ADCY7: variants seen among roughly 807,000 people sequenced by gnomAD.
ADCY7 encodes adenylate cyclase type 7.
Under a neutral mutation model 120.6 loss-of-function variants are expected in ADCY7, and 72 were observed. That is an observed-to-expected ratio of 0.60 (90% CI 0.49 to 0.73). The LOEUF (loss-of-function observed/expected upper bound fraction) is 0.73. Ranked by LOEUF, ADCY7 falls within the 30% of genes least tolerant of loss-of-function variation. The pLI is 0.00. For missense variants in ADCY7, 1,227 were observed against 1,486.0 expected, an observed-to-expected ratio of 0.83 and a Z score of 2.87; for synonymous variants, 661 against 628.0, an observed-to-expected ratio of 1.05 and a Z score of -0.78.
At chr16:50,284,103 G>A (rs2034440185) in intron 1 of ADCY7, among the ~76,000 whole-genome samples, 3 of 152,178 alleles carry the variant, frequency 2.0e-5, no homozygotes, top group African/African-American at 7.2e-5. Context: ...CCGGGCAGGG[G>A]GTGCCTCTGG....
chr16:50,310,798 C>G lies in ADCY7; in HGVS notation c.2272C>G (p.Leu758Val), dbSNP rs990019867. ...LTVALVAYLV[L>V]FNLSPCWQWD... ...AGTGGCCCTGGTGGCCTACCTGGTGCTCTTCAACCTCTCCCCATGCTGGCA... is the reference window on the plus strand; with the variant it reads ...AGTGGCCCTGGTGGCCTACCTGGTGGTCTTCAACCTCTCCCCATGCTGGCA... Residue 758 changes from leucine (L) to valine (V), a missense_variant, in exon 19 of 26, where the codon CTC becomes GTC. Physicochemically the swap from Leu to Val is conservative, Grantham distance 32. Transcript: ENST00000673801. The G allele has an allele frequency of 1.2e-6, 2 of 1,614,146 alleles. No individual in the cohort carries two copies. Among genetic ancestry groups the G allele is most frequent in the South Asian group, 2.2e-5 (2 of 91,070 alleles).
chr16:50,249,439 C>T lies in ADCY7; in HGVS notation c.-64+3236C>T, dbSNP rs1024190973. Among the ~76,000 whole-genome samples the T allele has an allele frequency of 5.2e-5, 7 of 134,708 alleles. No individual in the cohort carries two copies. In the East Asian group the frequency reaches 1.0e-3, roughly 19 times the overall value. 88.4% of individuals were successfully genotyped at this position (134,708 alleles called of 152,430 possible). A position where few individuals can be genotyped will look rare whatever the true frequency, so the allele number is the denominator to read the frequency against. ...TGCTCTGGGCGACAGAGCAAGACTC[C>T]GTCTAAAACAACAACAACAACAACA... On this transcript the variant is annotated intron_variant, in intron 1 of 4. Coordinates refer to the ADCY7 transcript ENST00000564044.
chr16:50,289,968 G>A (rs2034835118), intron 2 of ADCY7, among the ~76,000 whole-genome samples: 1 of 152,226 alleles, frequency 6.6e-6, no homozygotes, highest in Admixed American at 6.5e-5. Context: ...CCTCCCGGAT[G>A]CTGTGCCCGT....
At chr16:50,314,730 G>A in intron 24 of ADCY7, 1 of 450,172 alleles carries the variant, frequency 2.2e-6, no homozygotes, top group Non-Finnish European at 3.9e-6. Flanking sequence ...CCAGGCCTTT[G>A]TTAATACTTT....
chr16:50,312,268 C>A (rs879818479), intron 21 of ADCY7, 77 bp downstream of exon 21: 113 of 1,533,804 alleles, frequency 7.4e-5, no homozygotes, highest in Admixed American at 8.6e-5. Flanking sequence ...AGGTGTGGAG[C>A]TGGAGTGCAT....
chr16:50,257,811 C>T (rs1333394214), intron 1 of ADCY7, among the ~76,000 whole-genome samples: 2 of 151,198 alleles, frequency 1.3e-5, no homozygotes, highest in African/African-American at 2.4e-5. Flanking sequence ...GATGCGATTT[C>T]GGTCCACTGC....
rs144290211 is a variant in ADCY7, at chr16:50,304,536, C to T, written c.1545C>T (p.Asn515=). ...SVSSGETHVP[N]GRRPKSVPQR... ...GCAGTGGTGAGACCCACGTCCCCAA[C>T]GGGCGGAGGCCTAAGGTAGGTCCCC... is the stretch of plus-strand genomic sequence containing the variant. Residue 515 remains asparagine (N), a synonymous_variant, in exon 11 of 26, where the codon AAC becomes AAT. Transcript: ENST00000673801. 9.2e-5 allele frequency: 143 copies of T among 1,555,496 alleles called. No individual in the cohort carries two copies. Among genetic ancestry groups the T allele is most frequent in the Middle Eastern group, 5.2e-4 (3 of 5,748 alleles).
chr16:50,248,592 G>A (rs982384435), intron 1 of ADCY7, among the ~76,000 whole-genome samples: 1 of 152,226 alleles, frequency 6.6e-6, no homozygotes, highest in Non-Finnish European at 1.5e-5. Flanking sequence ...GGTATCTTTG[G>A]GGGAGTTCGT....
intron 1 of ADCY7, among the ~76,000 whole-genome samples, chr16:50,247,366 A>AT (rs1165033512): frequency 3.7e-4 from 55 of 149,826 alleles, no homozygotes; most frequent in East Asian, 7.8e-4. Context: ...CGGAGGCAGG[A>AT]TTTTTTTTTT....
rs1382816791 is a variant in ADCY7, at chr16:50,292,690, A to C, written c.552A>C (p.Ala184=). The change falls in exon 5 of 26, where the codon GCA becomes GCC. Residue 184 remains alanine (A), a synonymous_variant. Transcript: ENST00000673801. ...TCTACCCGCAGCTGCTGGCCAACGC[A>C]GTCATCTTCCTGTGTGGGAACCTGA... is the stretch of plus-strand genomic sequence containing the variant. The part of the protein sequence containing the change: ...VRVGLQLLAN[A]VIFLCGNLTG... 6.2e-7 allele frequency: 1 copy of C among 1,613,860 alleles called. No homozygotes were observed. Among genetic ancestry groups the C allele is most frequent in the Admixed American group, 1.7e-5 (1 of 60,012 alleles).
intron 21 of ADCY7, 114 bp downstream of exon 21, chr16:50,312,305 G>A: frequency 8.2e-7 from 1 of 1,220,560 alleles, no homozygotes; most frequent in Non-Finnish European, 1.2e-6. Flanking sequence ...TCAGGTCCTG[G>A]CCTCACCGGG....
rs2036893991 is a variant in ADCY7, at chr16:50,318,029, ATATT to A, written c.*2528_*2531del. On this transcript the variant is annotated 3_prime_UTR_variant, in exon 26 of 26. Coordinates refer to ENST00000673801, the MANE Select transcript of ADCY7 (RefSeq NM_001114.5). ...AACTAGGGTTTATTCTATATAATGA[ATATT>A]TATAGATCTGTAACATTTGTTTCAA... 1 of 152,334 alleles carries A rather than the reference ATATT, an allele frequency of 6.6e-6. No individual in the cohort carries two copies. Among genetic ancestry groups the A allele is most frequent in the Admixed American group, 6.5e-5 (1 of 15,284 alleles). The allele number at this position is 152,334 out of a possible 1,614,324, so 9.4% of individuals were successfully genotyped here.
At position 50,312,949 on chromosome 16, in the gene ADCY7, C is replaced by T. The variant is rs1362003753; in HGVS notation, c.2664C>T (p.Phe888=). 28 of 1,614,104 alleles carry T rather than the reference C, an allele frequency of 1.7e-5. No individual in the cohort carries two copies. The highest frequency in any genetic ancestry group is 2.3e-5 in the Non-Finnish European group (27 of 1,180,056). The change falls in exon 22 of 26, where the codon TTC becomes TTT. Residue 888 remains phenylalanine (F), a synonymous_variant. Coordinates refer to ENST00000673801, the MANE Select transcript of ADCY7 (RefSeq NM_001114.5). ...TCATGTTTGCCTCCGTGCCGGACTT[C>T]AAAGTGTTCTACACAGAGTGCGATG... The part of the protein sequence containing the change: ...VCVMFASVPD[F]KVFYTECDVN...
chr16:50,310,305 G>A (rs1372930064), intron 18 of ADCY7: 1 of 694,748 alleles, frequency 1.4e-6, no homozygotes, highest in Non-Finnish European at 2.5e-6. Flanking sequence ...GAAGAGCGTG[G>A]TCTTTATTCT....
intron 7 of ADCY7, 51 bp downstream of exon 7, chr16:50,294,802 T>G: frequency 7.4e-7 from 1 of 1,350,830 alleles, no homozygotes; most frequent in Admixed American, 1.8e-5. Context: ...CCCTGCCTAT[T>G]ACACCCCAGG....
intron 20 of ADCY7, 79 bp from the exon 21 acceptor site, chr16:50,311,957 C>T: frequency 1.3e-6 from 2 of 1,584,338 alleles, no homozygotes; most frequent in Non-Finnish European, 1.7e-6. Flanking sequence ...CAGGGACAGA[C>T]AGACCTGGCT....
Position 50,309,608 on chromosome 16 carries a change from G to A in ADCY7, c.2122G>A (p.Ala708Thr), listed in dbSNP as rs775962958. 1.5e-5 allele frequency: 24 copies of A among 1,612,728 alleles called. No homozygotes were observed. In the Middle Eastern group the frequency reaches 8.2e-4, roughly 55 times the overall value. Residue 708 changes from alanine (A) to threonine (T), a missense_variant, in exon 18 of 26, where the codon GCG becomes ACG. Ala to Thr is a moderately conservative substitution (Grantham distance 58). Coordinates refer to ENST00000673801, the MANE Select transcript of ADCY7 (RefSeq NM_001114.5). The stretch of plus-strand genomic sequence containing the variant: ...TGGCAATGAGACAGGCCTACTGGCC[G>A]CGAGCAGCAAGACAAGAGCCCTGTG... ...PVGNETGLLAASSKTRALCEP... is the reference protein window; with the variant it reads ...PVGNETGLLATSSKTRALCEP...
At chr16:50,299,465 C>T (rs1041627034) in intron 8 of ADCY7, among the ~76,000 whole-genome samples, 1 of 152,248 alleles carries the variant, frequency 6.6e-6, no homozygotes, top group African/African-American at 2.4e-5. Context: ...GGGAGACCCC[C>T]CGCTCCCCTC....
intron 7 of ADCY7, 87 bp downstream of exon 7, chr16:50,294,838 G>A: frequency 4.4e-6 from 4 of 912,040 alleles, no homozygotes; most frequent in Admixed American, 2.5e-5. Flanking sequence ...GTGCCCTGCT[G>A]GAATTGGGAT....
Sources: allele counts gnomAD v4.1 joint callset (sites outside exome capture counted in the v4.1 genomes callset), GRCh38; gene constraint gnomAD v4.1.1; transcripts MANE v1.5; gene names NCBI Gene and HGNC (gene_info 2026-07-23, HGNC 2026-07-21).